The following ARMC9 variants were observed in gnomAD, a reference collection of about 807,000 sequenced individuals.
ARMC9 encodes lisH domain-containing protein ARMC9.
In ARMC9, 94 loss-of-function variants were observed where a neutral mutation model predicts 107.0. The observed-to-expected ratio is 0.88, with a 90% CI of 0.74 to 1.04. The LOEUF (loss-of-function observed/expected upper bound fraction) is 1.04. Among genes scored for constraint, ARMC9 ranks in the 50% least tolerant of loss-of-function variants. The pLI, the probability that ARMC9 is intolerant of heterozygous loss-of-function variation, is 0.00. For synonymous variants in ARMC9, 380 were observed against 396.9 expected (o/e 0.96, Z 0.51); for missense variants, 942 against 1,030.1 (o/e 0.91, Z 1.17).
chr2:231,364,636 A>G (rs1380880603), intron 23 of ARMC9, among the ~76,000 whole-genome samples: 1 of 152,060 alleles, frequency 6.6e-6, no homozygotes, highest in African/African-American at 2.4e-5. Flanking sequence ...TGTCTTTACT[A>G]AAAATACAAA....
At chr2:231,361,642 G>A (rs1472989473) in intron 23 of ARMC9, among the ~76,000 whole-genome samples, 3 of 152,060 alleles carry the variant, frequency 2.0e-5, no homozygotes, top group Admixed American at 2.0e-4. Context: ...GGAGAAACCT[G>A]CTCAGGGAGA....
At chr2:231,201,981 C>T (rs181575237) in intron 1 of ARMC9, among the ~76,000 whole-genome samples, 6 of 150,834 alleles carry the variant, frequency 4.0e-5, no homozygotes, top group East Asian at 2.0e-4. Context: ...TACTTGCAGC[C>T]GATGACCTTT....
intron 5 of ARMC9, among the ~76,000 whole-genome samples, chr2:231,218,354 A>G (rs1466009462): frequency 1.3e-5 from 2 of 152,160 alleles, no homozygotes; most frequent in African/African-American, 4.8e-5. Context: ...AAAGAAAATA[A>G]TAAAAATAAA....
chr2:231,226,580 T>C (rs1406076489), intron 6 of ARMC9, among the ~76,000 whole-genome samples, 194 bp from the exon 7 acceptor site: 3 of 152,182 alleles, frequency 2.0e-5, no homozygotes, highest in Admixed American at 6.5e-5. Context: ...TGCCTTCTTC[T>C]GAAATGGGAG....
chr2:231,219,918 C>T (rs1170603909), intron 5 of ARMC9, among the ~76,000 whole-genome samples: 2 of 152,150 alleles, frequency 1.3e-5, no homozygotes, highest in Non-Finnish European at 2.9e-5. Flanking sequence ...ACAGCCTTGA[C>T]CTCCTGGGCT....
intron 23 of ARMC9, among the ~76,000 whole-genome samples, chr2:231,368,678 G>A (rs1383935167): frequency 6.6e-6 from 1 of 152,166 alleles, no homozygotes; most frequent in Non-Finnish European, 1.5e-5. Context: ...AAGCTGGAGG[G>A]CCCTGGCGTG....
chr2:231,310,324 G>T (rs936618085), intron 19 of ARMC9, among the ~76,000 whole-genome samples: 5 of 151,052 alleles, frequency 3.3e-5, no homozygotes, highest in African/African-American at 4.9e-5. Flanking sequence ...TGAGGCAGGA[G>T]AATTGAATTG....
intron 8 of ARMC9, among the ~76,000 whole-genome samples, chr2:231,235,749 T>G (rs1251325214): frequency 1.3e-5 from 2 of 152,134 alleles, no homozygotes; most frequent in African/African-American, 4.8e-5. Context: ...TTCAAGTGAT[T>G]CTCCTGCCTC....
intron 14 of ARMC9, 102 bp from the exon 15 acceptor site, chr2:231,276,534 T>C: frequency 6.6e-7 from 1 of 1,513,446 alleles, no homozygotes; most frequent in Non-Finnish European, 9.0e-7. Flanking sequence ...CCTCCCAAAG[T>C]GCTGGGATTA....
At chr2:231,281,909 G>A in intron 16 of ARMC9, 150 bp from the exon 17 acceptor site, 1 of 693,570 alleles carries the variant, frequency 1.4e-6, no homozygotes, top group Admixed American at 2.5e-5. Context: ...CTGTCACTTG[G>A]AAACATACAT....
At chr2:231,250,402 T>G (rs1272755728) in intron 9 of ARMC9, among the ~76,000 whole-genome samples, 1 of 152,110 alleles carries the variant, frequency 6.6e-6, no homozygotes, top group Non-Finnish European at 1.5e-5. Flanking sequence ...CCAAAATGTC[T>G]CCAGACATTG....
At chr2:231,262,953 G>A (rs1320302449) in intron 12 of ARMC9, among the ~76,000 whole-genome samples, 2 of 151,524 alleles carry the variant, frequency 1.3e-5, no homozygotes, top group African/African-American at 4.9e-5. Context: ...CGCCTGCCTC[G>A]GGAGGTCGTT....
rs2032317356 is a variant in ARMC9, at chr2:231,208,241, T to C, written c.166T>C (p.Leu56=). The C allele has an allele frequency of 6.2e-6, 10 of 1,607,348 alleles. No homozygotes were observed. The highest frequency in any genetic ancestry group is 1.1e-5 in the South Asian group (1 of 89,652). ...VGGSFRDSKS[L]TIQKDLVAAF... ...CGGATCTTTCAGAGACTCCAAATCA[T>C]TGACAATTCAGGTAACATTTTGCTT... The change falls in exon 3 of 25, where the codon TTG becomes CTG. Residue 56 remains leucine, a synonymous_variant. Transcript: ENST00000611582.
Position 231,358,243 on chromosome 2 carries a change from T to G in ARMC9, c.2131+2309T>G, listed in dbSNP as rs2045421070. On this transcript the variant is annotated intron_variant, in intron 22 of 24. Coordinates refer to ENST00000611582, the MANE Select transcript of ARMC9 (RefSeq NM_001352754.2). The surrounding 1 kb of genome is among the most constrained non-coding windows in gnomAD (Gnocchi z 4.5). ...GGAGTGGGCAGTGCTGGGCTGGGCA[T>G]GGGCACCCCTGAGCCATGTTGCCTT... Among the ~76,000 whole-genome samples the G allele has an allele frequency of 1.3e-5, 2 of 152,214 alleles. No individual in the cohort carries two copies. The highest frequency in any genetic ancestry group is 2.4e-5 in the African/African-American group (1 of 41,534).
chr2:231,363,989 T>C (rs1271291435), intron 23 of ARMC9, among the ~76,000 whole-genome samples: 2 of 149,372 alleles, frequency 1.3e-5, no homozygotes, highest in Admixed American at 1.3e-4. Flanking sequence ...CTTCTTAGAC[T>C]CCTTAGATTA....
intron 19 of ARMC9, among the ~76,000 whole-genome samples, chr2:231,315,792 A>T (rs773251783): frequency 1.3e-5 from 2 of 152,116 alleles, no homozygotes; most frequent in Non-Finnish European, 2.9e-5. Context: ...TCAGTGTTCT[A>T]TTTATCTCTT....
intron 23 of ARMC9, among the ~76,000 whole-genome samples, chr2:231,364,626 T>C (rs1027240227): frequency 2.0e-5 from 3 of 152,082 alleles, no homozygotes; most frequent in Non-Finnish European, 4.4e-5. Context: ...GGTGAAACCC[T>C]GTCTTTACTA....
At chr2:231,341,251 A>G (rs1444746424) in intron 20 of ARMC9, among the ~76,000 whole-genome samples, 1 of 152,236 alleles carries the variant, frequency 6.6e-6, no homozygotes, top group African/African-American at 2.4e-5. Context: ...AGCTCTGGTA[A>G]TTCTGCCTTG....
At chr2:231,288,842 A>ACAT (rs1320344830) in intron 17 of ARMC9, 10 of 383,364 alleles carry the variant, frequency 2.6e-5, no homozygotes, top group South Asian at 1.7e-4. Flanking sequence ...ACCTAGTCAG[A>ACAT]CATCTGCACA....
Sources: gnomAD v4.1 joint callset for allele counts (sites outside exome capture counted in the v4.1 genomes callset) on GRCh38, gnomAD v4.1.1 for gene constraint, Gnocchi (gnomAD v3.1) non-coding constraint, MANE v1.5 for transcripts, NCBI Gene and HGNC (gene_info 2026-07-23, HGNC 2026-07-21) for gene names.